Variants in HIPK3 observed in about 807,000 individuals in gnomAD.
HIPK3 encodes homeodomain interacting protein kinase 3, also known as homeodomain-interacting protein kinase 3.
HIPK3 carries 47 observed loss-of-function variants against 124.2 expected under a neutral mutation model. The ratio of observed to expected loss-of-function variants is 0.38; its 90% confidence interval spans 0.30 to 0.48. HIPK3 has a LOEUF of 0.48. Ranked by LOEUF, HIPK3 falls within the 20% of genes least tolerant of loss-of-function variation. The pLI, the probability that HIPK3 is intolerant of heterozygous loss-of-function variation, is 0.98. For synonymous variants in HIPK3, 482 were observed against 515.2 expected, an observed-to-expected ratio of 0.94 and a Z score of 0.87; for missense variants, 1,286 against 1,454.3, an observed-to-expected ratio of 0.88 and a Z score of 1.88.
intron 3 of HIPK3, among the ~76,000 whole-genome samples, chr11:33,330,836 T>C (rs1431451224): frequency 6.8e-6 from 1 of 147,610 alleles, no homozygotes; most frequent in Non-Finnish European, 1.5e-5. Context: ...TTTCAAGTGC[T>C]TTTTTTTTTG....
At chr11:33,261,206 TA>T (rs1324303802) in intron 1 of HIPK3, among the ~76,000 whole-genome samples, 2 of 147,740 alleles carry the variant, frequency 1.4e-5, no homozygotes, top group Non-Finnish European at 3.0e-5. Flanking sequence ...AATATATATG[TA>T]TTTTTTTTTC....
At chr11:33,344,146 T>G (rs1489620559) in intron 8 of HIPK3, among the ~76,000 whole-genome samples, 2 of 152,236 alleles carry the variant, frequency 1.3e-5, no homozygotes, top group African/African-American at 2.4e-5. Flanking sequence ...CTACCTACAG[T>G]GCACATACAT....
In HIPK3 at chr11:33,330,122, A is replaced by G. The variant is rs376515355; in HGVS notation, c.1221+1489A>G. Reference sequence around the variant, plus strand: ...TCAAAAGTCACAATAGTAATTTTAAAGACAAAGCCTTGACCAAAACTCAGT... The same window carrying G: ...TCAAAAGTCACAATAGTAATTTTAAGGACAAAGCCTTGACCAAAACTCAGT... On this transcript the variant is annotated intron_variant, in intron 3 of 16. Coordinates refer to ENST00000303296, the MANE Select transcript of HIPK3 (RefSeq NM_005734.5). Among the ~76,000 whole-genome samples, 45 of 152,338 alleles carry G rather than the reference A, an allele frequency of 3.0e-4. No homozygotes were observed. In the East Asian group the frequency reaches 7.5e-3, roughly 25 times the overall value.
chr11:33,275,187 G>A (rs1480329613), intron 1 of HIPK3, among the ~76,000 whole-genome samples: 1 of 151,858 alleles, frequency 6.6e-6, no homozygotes, highest in African/African-American at 2.4e-5. Context: ...TTGCAGTTGC[G>A]TGCCACCATG....
Position 33,286,909 on chromosome 11 carries a change from GACAGCTACC to G in HIPK3, c.500_508del (p.Ala167_Thr169del). The stretch of plus-strand genomic sequence containing the variant: ...ACATGGGAAATCCAGTGACAGTTGT[GACAGCTACC>G]ACAGGATCAAAACAGAATTGTACCA... On this transcript the variant is annotated inframe_deletion, in exon 2 of 17. Transcript: ENST00000303296. 1 of 1,614,194 alleles carries G rather than the reference GACAGCTACC, an allele frequency of 6.2e-7. No homozygotes were observed. Among genetic ancestry groups the G allele is most frequent in the Non-Finnish European group, 8.5e-7 (1 of 1,180,040 alleles).
chr11:33,339,311 T>C, intron 5 of HIPK3, 39 bp from the exon 6 acceptor site: 1 of 1,499,816 alleles, frequency 6.7e-7, no homozygotes. Context: ...TCTCTGTGAC[T>C]TATTTTTACT....
intron 2 of HIPK3, among the ~76,000 whole-genome samples, chr11:33,323,090 G>C (rs1158333396): frequency 6.6e-6 from 1 of 151,938 alleles, no homozygotes; most frequent in African/African-American, 2.4e-5. Context: ...CCCGATGAAT[G>C]GATAAATAAA....
chr11:33,279,288 A>AC (rs1851350025), intron 1 of HIPK3, among the ~76,000 whole-genome samples: 1 of 142,650 alleles, frequency 7.0e-6, no homozygotes, highest in Non-Finnish European at 1.5e-5. Context: ...GCACTCCAGC[A>AC]CTCCAGCGCA....
intron 2 of HIPK3, among the ~76,000 whole-genome samples, chr11:33,309,343 G>A (rs1852256810): frequency 6.6e-6 from 1 of 152,150 alleles, no homozygotes; most frequent in Non-Finnish European, 1.5e-5. Flanking sequence ...TCCAACTTGT[G>A]GCCTCAAGTG....
At chr11:33,263,159 T>G (rs1161748603) in intron 1 of HIPK3, among the ~76,000 whole-genome samples, 1 of 151,264 alleles carries the variant, frequency 6.6e-6, no homozygotes. Flanking sequence ...CATGAGCCAC[T>G]GTGCCCGGCC....
rs116186039 is a variant in HIPK3, at chr11:33,274,045, G to A, written c.-2-12368G>A. Among the ~76,000 whole-genome samples the A allele has an allele frequency of 9.1e-3, 1,392 of 152,228 alleles. 25 individuals are homozygous for A. Among genetic ancestry groups the A allele is most frequent in the African/African-American group, 0.031 (1,307 of 41,550 alleles). On this transcript the variant is annotated intron_variant, in intron 1 of 16. Transcript: ENST00000303296. ...TGATGAGAATCTTAAGGTTGTTTAA[G>A]GTAAACCATACTTTTGAAAAGTTTT... is the stretch of plus-strand genomic sequence containing the variant.
intron 16 of HIPK3, among the ~76,000 whole-genome samples, chr11:33,352,725 G>A (rs1251814445): frequency 6.6e-6 from 1 of 152,060 alleles, no homozygotes; most frequent in East Asian, 1.9e-4. Flanking sequence ...AATGGGAATC[G>A]TAATTATATC....
At chr11:33,289,292 A>AG (rs1227036849) in intron 2 of HIPK3, among the ~76,000 whole-genome samples, 3 of 152,156 alleles carry the variant, frequency 2.0e-5, no homozygotes, top group African/African-American at 2.4e-5. Flanking sequence ...AAGAAAAAAA[A>AG]TAATGAGCCA....
intron 3 of HIPK3, among the ~76,000 whole-genome samples, chr11:33,333,249 C>T (rs1255490253): frequency 2.0e-5 from 3 of 152,054 alleles, no homozygotes; most frequent in Non-Finnish European, 2.9e-5. Flanking sequence ...CAAAGTAAGG[C>T]GACACGAGAG....
rs750509696 is a variant in HIPK3 at position 33,286,724 on chromosome 11, G to T, written c.310G>T (p.Val104Leu). ...AGCAGCTCAGGCACAGCAAGCTCAC[G>T]TGCAGGCACCTCAGATTGGGGCGTG... ...VIAAQAQQAHVQAPQIGAWRN... is the reference protein window; with the variant it reads ...VIAAQAQQAHLQAPQIGAWRN... Residue 104 changes from valine to leucine, a missense_variant, in exon 2 of 17, where the codon GTG becomes TTG. This residue lies in a region of HIPK3 where 225 missense variants were observed against 240.3 expected (regional missense o/e 0.94). Coordinates refer to ENST00000303296, the MANE Select transcript of HIPK3 (RefSeq NM_005734.5). The T allele has an allele frequency of 8.1e-6, 13 of 1,613,938 alleles. No homozygotes were observed. In the African/African-American group the frequency reaches 9.3e-5, roughly 12 times the overall value.
chr11:33,293,645 T>C (rs915077164), intron 2 of HIPK3, among the ~76,000 whole-genome samples: 2 of 152,182 alleles, frequency 1.3e-5, no homozygotes, highest in African/African-American at 2.4e-5. Context: ...TGTGTAGATA[T>C]ATACCACATT....
chr11:33,338,810 A>G lies in HIPK3; in HGVS notation c.1395A>G (p.Lys465=), dbSNP rs1448752826. Residue 465 remains lysine (K), a synonymous_variant, in exon 5 of 17, where the codon AAA becomes AAG. Transcript: ENST00000303296. The stretch of plus-strand genomic sequence containing the variant: ...GAATGAAGTCTAAAGAAGCCAGAAA[A>G]TACATTTTCAACAGTCTGGATGATG... ...ETGMKSKEAR[K]YIFNSLDDVA... is the part of the protein sequence containing the mutation. The G allele has an allele frequency of 6.2e-6, 10 of 1,613,058 alleles. No individual in the cohort carries two copies. The highest frequency in any genetic ancestry group is 8.5e-6 in the Non-Finnish European group (10 of 1,179,362).
At chr11:33,340,157 T>A (rs553793818) in intron 6 of HIPK3, among the ~76,000 whole-genome samples, 23 of 152,336 alleles carry the variant, frequency 1.5e-4, no homozygotes, top group African/African-American at 5.3e-4. Flanking sequence ...CTTTGCTCAC[T>A]ACAACCTCCG....
intron 1 of HIPK3, among the ~76,000 whole-genome samples, chr11:33,276,338 A>T (rs60973588): frequency 6.6e-6 from 1 of 152,122 alleles, no homozygotes; most frequent in Admixed American, 6.5e-5. Context: ...GACCTTTTGA[A>T]GAATACTGCC....
Sources: allele counts gnomAD v4.1 joint callset (sites outside exome capture counted in the v4.1 genomes callset), GRCh38; gene constraint gnomAD v4.1.1; regional missense constraint gnomAD v4.1.1; transcripts MANE v1.5; gene names NCBI Gene and HGNC (gene_info 2026-07-23, HGNC 2026-07-21).